The following DOCK8 variants were observed in gnomAD, a reference collection of about 807,000 sequenced individuals.
DOCK8 encodes the protein dedicator of cytokinesis protein 8.
Under a neutral mutation model 245.6 loss-of-function variants are expected in DOCK8, and 141 were observed. That is an observed-to-expected ratio of 0.57 (90% CI 0.50 to 0.66). The LOEUF is 0.66. Ranked by LOEUF, DOCK8 falls within the 30% of genes least tolerant of loss-of-function variation. The pLI is 0.00. For synonymous variants in DOCK8, 1,168 were observed against 970.2 expected (o/e 1.20, Z -3.79); for missense variants, 2,965 against 2,603.4 (o/e 1.14, Z -3.02).
chr9:445,268 G>C (rs930196000), intron 43 of DOCK8, among the ~76,000 whole-genome samples: 1 of 152,160 alleles, frequency 6.6e-6, no homozygotes, highest in Non-Finnish European at 1.5e-5. Context: ...TCCCAGGGTA[G>C]GTTGTGAGAG....
At chr9:341,012 T>C (rs1370370189) in intron 14 of DOCK8, among the ~76,000 whole-genome samples, 1 of 152,238 alleles carries the variant, frequency 6.6e-6, no homozygotes, top group African/African-American at 2.4e-5. Context: ...AGATTAGCTC[T>C]TTCCAACAGA....
chr9:256,231 G>A (rs1356060353), intron 1 of DOCK8, among the ~76,000 whole-genome samples: 1 of 152,174 alleles, frequency 6.6e-6, no homozygotes, highest in East Asian at 1.9e-4. Context: ...AACAATAAAG[G>A]ACATGGTGGC....
intron 4 of DOCK8, among the ~76,000 whole-genome samples, chr9:301,363 T>C (rs1170750679): frequency 6.6e-6 from 1 of 152,216 alleles, no homozygotes; most frequent in African/African-American, 2.4e-5. Flanking sequence ...GAGCCATCTA[T>C]TATTCAACTA....
In DOCK8 at chr9:289,618, T is replaced by C. The variant is rs566402664; in HGVS notation, c.404+37T>C. On this transcript the variant is annotated intron_variant, in intron 4 of 47. Transcript: ENST00000432829. The stretch of plus-strand genomic sequence containing the variant: ...TTTTTCCACTTTTTGTATATAAATA[T>C]TAATTTTATATTGCTAGTTTTTAAA... 4 of 1,524,512 alleles carry C rather than the reference T, an allele frequency of 2.6e-6. No individual in the cohort carries two copies. The South Asian group carries it at 4.7e-5, about 18-fold the overall frequency. 94.4% of individuals were successfully genotyped at this position (1,524,512 alleles called of 1,614,324 possible).
At chr9:421,126 T>G (rs762590587) in intron 32 of DOCK8, 48 bp downstream of exon 32, 1 of 1,612,318 alleles carries the variant, frequency 6.2e-7, no homozygotes, top group Admixed American at 1.7e-5. Context: ...AGTTTTTCAC[T>G]GTTTGTGGGG....
intron 20 of DOCK8, 142 bp from the exon 21 acceptor site, chr9:379,628 GC>G (rs2053657623): frequency 1.2e-6 from 1 of 849,378 alleles, no homozygotes; most frequent in Non-Finnish European, 1.9e-6. Context: ...GCATGCCAGA[GC>G]TCACCAAAAC....
rs536985915 is a variant in DOCK8, at chr9:388,634, A to G, written c.2875-1837A>G. Among the ~76,000 whole-genome samples the G allele has an allele frequency of 4.6e-5, 7 of 151,758 alleles. No homozygotes were observed. The East Asian group carries it at 1.4e-3, about 29-fold the overall frequency. ...CCGTGGTGCAATCTTGGCTCACTGCAACCTCTGCCTCCCAGGTTTAAGTGA... is the reference window on the plus strand; with the variant it reads ...CCGTGGTGCAATCTTGGCTCACTGCGACCTCTGCCTCCCAGGTTTAAGTGA... On this transcript the variant is annotated intron_variant, in intron 23 of 47. Coordinates refer to ENST00000432829, the MANE Select transcript of DOCK8 (RefSeq NM_203447.4).
intron 24 of DOCK8, among the ~76,000 whole-genome samples, chr9:394,229 C>T (rs1444700470): frequency 6.9e-6 from 1 of 145,722 alleles, no homozygotes; most frequent in East Asian, 1.9e-4. Context: ...AGACCCCCTT[C>T]CCAGCATTCA....
At chr9:411,086 C>G (rs531045508) in intron 28 of DOCK8, among the ~76,000 whole-genome samples, 7 of 152,280 alleles carry the variant, frequency 4.6e-5, no homozygotes, top group Admixed American at 2.0e-4. Context: ...AGTAATCAAA[C>G]TTCCCACATA....
At chr9:403,807 G>C (rs1586928535) in intron 26 of DOCK8, among the ~76,000 whole-genome samples, 1 of 150,482 alleles carries the variant, frequency 6.6e-6, no homozygotes, top group Admixed American at 6.6e-5. Context: ...GAAGGTTGCA[G>C]TGAGCCGAGA....
intron 1 of DOCK8, among the ~76,000 whole-genome samples, chr9:218,675 G>A (rs767328294): frequency 9.2e-5 from 14 of 152,084 alleles, no homozygotes; most frequent in Non-Finnish European, 2.1e-4. Flanking sequence ...CAAAATCTTA[G>A]TGTCTTTCAA....
At chr9:216,007 G>GTGC (rs1338979106) in intron 1 of DOCK8, among the ~76,000 whole-genome samples, 3 of 152,172 alleles carry the variant, frequency 2.0e-5, no homozygotes, top group African/African-American at 7.2e-5. Flanking sequence ...GTTCATCTTT[G>GTGC]TGCTGTTAGT....
intron 21 of DOCK8, chr9:380,854 C>G (rs542952233): frequency 2.5e-5 from 4 of 157,372 alleles, no homozygotes; most frequent in African/African-American, 9.5e-5. Context: ...CCCCAGCACT[C>G]TAGGAGGCTG....
At chr9:414,027 C>T (rs577559886) in intron 28 of DOCK8, among the ~76,000 whole-genome samples, 33 of 151,746 alleles carry the variant, frequency 2.2e-4, no homozygotes, top group East Asian at 3.9e-4. Context: ...CTGTAGTCCC[C>T]GCTACTTGGG....
intron 26 of DOCK8, among the ~76,000 whole-genome samples, chr9:400,466 CCACCACCCACCTCCTTCACCAT>C (rs1680676178): frequency 1.5e-3 from 2 of 1,296 alleles, no homozygotes; most frequent in African/African-American, 0.013. Context: ...TTCACCATCA[CCACCACCCACCTCCTTCACCAT>C]CACCACCACC....
Position 232,167 on chromosome 9 carries a change from C to T in DOCK8, c.53+17138C>T, listed in dbSNP as rs377212095. Among the ~76,000 whole-genome samples the T allele has an allele frequency of 1.6e-4, 24 of 152,042 alleles. 1 individual carries two copies. In the South Asian group the frequency reaches 4.2e-3, roughly 26 times the overall value. On this transcript the variant is annotated intron_variant, in intron 1 of 47. Transcript: ENST00000432829. ...TATTGAGATAATCATGTGGTTTTTG[C>T]CTTTGGTTCTGTTTATATGCTGGAT...
intron 22 of DOCK8, 30 bp from the exon 23 acceptor site, chr9:386,301 G>A (rs749507871): frequency 6.3e-7 from 1 of 1,592,770 alleles, no homozygotes; most frequent in South Asian, 1.1e-5. Flanking sequence ...ATGGTTGGTT[G>A]ACTGTTAAGC....
chr9:403,120 C>A (rs2055192931), intron 26 of DOCK8, among the ~76,000 whole-genome samples: 1 of 152,078 alleles, frequency 6.6e-6, no homozygotes, highest in African/African-American at 2.4e-5. Context: ...GAACTCTGGC[C>A]TCAAGTGATC....
At chr9:285,369 C>T (rs901630647) in intron 2 of DOCK8, among the ~76,000 whole-genome samples, 4 of 152,072 alleles carry the variant, frequency 2.6e-5, no homozygotes, top group Non-Finnish European at 4.4e-5. Flanking sequence ...CTTGGATCTG[C>T]CCTTGTCTCC....
Sources: allele counts gnomAD v4.1 joint callset (sites outside exome capture counted in the v4.1 genomes callset), GRCh38; gene constraint gnomAD v4.1.1; transcripts MANE v1.5; gene names NCBI Gene and HGNC (gene_info 2026-07-23, HGNC 2026-07-21).